LHFPL3: variants seen among roughly 807,000 people sequenced by gnomAD.
LHFPL3 encodes the protein LHFPL tetraspan subfamily member 3 protein.
In LHFPL3, 5 loss-of-function variants were observed where a neutral mutation model predicts 19.3. The ratio of observed to expected loss-of-function variants is 0.26; its 90% CI spans 0.14 to 0.54. The LOEUF (loss-of-function observed/expected upper bound fraction) is 0.54. LHFPL3 is among the 20% of genes least tolerant of loss of function. The pLI is 0.94. For missense variants in LHFPL3, 249 were observed against 307.4 expected (o/e 0.81, Z 1.42); for synonymous variants, 133 against 126.2 (o/e 1.05, Z -0.36).
At chr7:104,437,804 A>C (rs1205433383) in intron 1 of LHFPL3, among the ~76,000 whole-genome samples, 3 of 152,204 alleles carry the variant, frequency 2.0e-5, no homozygotes, top group Non-Finnish European at 4.4e-5. Context: ...CCATGTGTTC[A>C]GCAACTCATA....
intron 1 of LHFPL3, among the ~76,000 whole-genome samples, chr7:104,351,629 A>G (rs1238795504): frequency 6.6e-6 from 1 of 152,230 alleles, no homozygotes; most frequent in East Asian, 1.9e-4. Flanking sequence ...GACTCAAGTA[A>G]TAGCCTTATA....
intron 2 of LHFPL3, among the ~76,000 whole-genome samples, chr7:104,856,543 C>T (rs532392091): frequency 1.2e-3 from 186 of 152,282 alleles, no homozygotes; most frequent in African/African-American, 4.1e-3. Flanking sequence ...CCACTGAGCC[C>T]GGCCAACTCT....
chr7:104,888,088 T>C (rs1486361212), intron 2 of LHFPL3, among the ~76,000 whole-genome samples: 1 of 152,158 alleles, frequency 6.6e-6, no homozygotes, highest in Non-Finnish European at 1.5e-5. Context: ...CTTTCCAAAA[T>C]CAAGAACCTC....
chr7:104,857,126 T>C (rs573135876), intron 2 of LHFPL3, among the ~76,000 whole-genome samples: 15 of 152,340 alleles, frequency 9.8e-5, no homozygotes, highest in African/African-American at 3.4e-4. Flanking sequence ...ACGTTCATTG[T>C]ACACATGAGG....
At chr7:104,566,354 A>G (rs1273880748) in intron 1 of LHFPL3, among the ~76,000 whole-genome samples, 1 of 152,118 alleles carries the variant, frequency 6.6e-6, no homozygotes, top group Non-Finnish European at 1.5e-5. Context: ...CTGTCTCTCA[A>G]AAACAAAAAC....
chr7:104,522,579 A>T (rs1054022641), intron 1 of LHFPL3, among the ~76,000 whole-genome samples: 1 of 152,182 alleles, frequency 6.6e-6, no homozygotes, highest in Non-Finnish European at 1.5e-5. Flanking sequence ...GCTAGTATGT[A>T]CAAAGTGTAA....
At chr7:104,738,095 A>G (rs1179084701) in intron 2 of LHFPL3, among the ~76,000 whole-genome samples, 3 of 152,190 alleles carry the variant, frequency 2.0e-5, no homozygotes, top group Non-Finnish European at 4.4e-5. Flanking sequence ...TCCCTGATTT[A>G]TAGACAGAAC....
At chr7:104,732,691 A>AT (rs1257702867) in intron 1 of LHFPL3, among the ~76,000 whole-genome samples, 2 of 151,954 alleles carry the variant, frequency 1.3e-5, no homozygotes, top group Non-Finnish European at 2.9e-5. Context: ...GGATTCATTG[A>AT]TTTTTTGAAG....
chr7:104,448,738 C>G, intron 1 of LHFPL3, among the ~76,000 whole-genome samples: 1 of 152,084 alleles, frequency 6.6e-6, no homozygotes, highest in Non-Finnish European at 1.5e-5. Flanking sequence ...ACACAGCACT[C>G]CATGAATTGC....
At chr7:104,469,290 G>T (rs764908962) in intron 1 of LHFPL3, among the ~76,000 whole-genome samples, 11 of 152,136 alleles carry the variant, frequency 7.2e-5, no homozygotes, top group Non-Finnish European at 1.2e-4. Flanking sequence ...ATGTAAGTGG[G>T]AAAAGGACTC....
At chr7:104,435,649 G>A (rs1792089983) in intron 1 of LHFPL3, among the ~76,000 whole-genome samples, 1 of 150,870 alleles carries the variant, frequency 6.6e-6, no homozygotes, top group Admixed American at 6.6e-5. Flanking sequence ...GTTTATTAAA[G>A]CATAAAAGTG....
chr7:104,661,202 C>T (rs1396236368), intron 1 of LHFPL3, among the ~76,000 whole-genome samples: 1 of 152,168 alleles, frequency 6.6e-6, no homozygotes, highest in Non-Finnish European at 1.5e-5. Context: ...GTGGCAATGG[C>T]AGCTGAATAT....
intron 1 of LHFPL3, among the ~76,000 whole-genome samples, chr7:104,557,181 T>C (rs1789858115): frequency 6.6e-6 from 1 of 152,176 alleles, no homozygotes; most frequent in Admixed American, 6.5e-5. Flanking sequence ...CGCTTTCACA[T>C]TTTCAGGTAT....
intron 2 of LHFPL3, among the ~76,000 whole-genome samples, chr7:104,880,094 T>C (rs1356426765): frequency 6.6e-6 from 1 of 152,048 alleles, no homozygotes; most frequent in Non-Finnish European, 1.5e-5. Flanking sequence ...TTTGGATATC[T>C]GTCCCCTCTA....
At chr7:104,732,525 G>T (rs1184913018) in intron 1 of LHFPL3, among the ~76,000 whole-genome samples, 1 of 152,126 alleles carries the variant, frequency 6.6e-6, no homozygotes, top group Non-Finnish European at 1.5e-5. Flanking sequence ...GGTGTTTATA[G>T]TATTCTCTGA....
intron 2 of LHFPL3, chr7:104,759,700 T>TA (rs1282173619): frequency 6.6e-6 from 1 of 152,170 alleles, no homozygotes; most frequent in Non-Finnish European, 1.5e-5. Context: ...TGATGGCTCT[T>TA]ACCTCTTGGA....
intron 1 of LHFPL3, among the ~76,000 whole-genome samples, chr7:104,694,800 T>C (rs142923088): frequency 1.3e-5 from 2 of 152,342 alleles, no homozygotes; most frequent in African/African-American, 2.4e-5. Flanking sequence ...AAGACTGCAA[T>C]TGGCAGCACA....
At chr7:104,503,469 C>T (rs1562918274) in intron 1 of LHFPL3, among the ~76,000 whole-genome samples, 1 of 152,210 alleles carries the variant, frequency 6.6e-6, no homozygotes, top group South Asian at 2.1e-4. Context: ...ACAAAGAAAA[C>T]ATTTTTATTT....
chr7:104,583,663 C>G (rs967300792), intron 1 of LHFPL3, among the ~76,000 whole-genome samples: 1 of 152,032 alleles, frequency 6.6e-6, no homozygotes, highest in Non-Finnish European at 1.5e-5. Context: ...GAACAGACAC[C>G]TCTCAGAAGA....
Sources: gnomAD v4.1 joint callset for allele counts (sites outside exome capture counted in the v4.1 genomes callset) on GRCh38, gnomAD v4.1.1 for gene constraint, MANE v1.5 for transcripts, NCBI Gene and HGNC (gene_info 2026-07-23, HGNC 2026-07-21) for gene names.